The following TFRC variants were observed in gnomAD, a reference collection of about 807,000 sequenced individuals.
The protein encoded by TFRC is transferrin receptor protein 1.
A neutral mutation model predicts 85.8 loss-of-function variants in TFRC; 35 were observed. The observed-to-expected ratio is 0.41, with a 90% CI of 0.31 to 0.54. The LOEUF is 0.54. Among genes scored for constraint, TFRC ranks in the 20% least tolerant of loss-of-function variants. The pLI, the probability that TFRC is intolerant of heterozygous loss-of-function variation, is 0.31. For synonymous variants in TFRC, 362 were observed against 328.6 expected (o/e 1.10, Z -1.10); for missense variants, 828 against 921.5 (o/e 0.90, Z 1.31).
intron 7 of TFRC, among the ~76,000 whole-genome samples, chr3:196,069,237 A>C (rs1717992390): frequency 6.6e-6 from 1 of 152,178 alleles, no homozygotes; most frequent in Non-Finnish European, 1.5e-5. Flanking sequence ...TATGCGTAAA[A>C]CTGAGTTATA....
intron 13 of TFRC, 64 bp downstream of exon 13, chr3:196,062,518 A>G (rs1216562484): frequency 7.6e-6 from 11 of 1,451,482 alleles, no homozygotes; most frequent in Non-Finnish European, 1.1e-5. Flanking sequence ...GGGCGACAAG[A>G]GCAAAACTCC....
intron 9 of TFRC, 150 bp from the exon 10 acceptor site, chr3:196,065,750 G>C (rs1051176051): frequency 1.4e-6 from 1 of 726,644 alleles, no homozygotes; most frequent in Non-Finnish European, 2.1e-6. Flanking sequence ...CCAGCACTTT[G>C]GGAGGCTGAG....
At chr3:196,052,333 T>C (rs1172453699) in intron 18 of TFRC, 149 bp from the exon 19 acceptor site, 8 of 924,810 alleles carry the variant, frequency 8.7e-6, no homozygotes, top group Non-Finnish European at 1.3e-5. Context: ...AGTTTCGCTC[T>C]TGTTGCCCAG....
rs774620337 is a variant in TFRC, at chr3:196,055,248, A to C, written c.1731T>G (p.Ile577Met). Residue 577 changes from isoleucine (I) to methionine (M), a missense_variant, in exon 17 of 19, where the codon ATT becomes ATG. Physicochemically the swap from Ile to Met is conservative, Grantham distance 10. Transcript: ENST00000360110. ...GTTMDTYKEL[I>M]ERIPELNKVA... is the part of the protein sequence containing the mutation. ...CTTTGTTCAACTCAGGAATCCTCTC[A>C]ATCAGTTCCTTATAGGTGTCCATGG... The C allele has an allele frequency of 2.5e-5, 40 of 1,614,178 alleles. No homozygotes were observed. The highest frequency in any genetic ancestry group is 3.4e-5 in the Non-Finnish European group (40 of 1,180,020).
intron 4 of TFRC, among the ~76,000 whole-genome samples, chr3:196,073,036 CAAAAAA>C (rs56723183): frequency 4.2e-5 from 3 of 72,140 alleles, no homozygotes; most frequent in African/African-American, 9.9e-5. Flanking sequence ...CCCGTTTCTG[CAAAAAA>C]AAAAAAAAAA....
rs1577246157 is a variant in TFRC at position 196,071,917 on chromosome 3, C to A, written c.584+86G>T. On this transcript the variant is annotated intron_variant, in intron 5 of 18. Coordinates refer to ENST00000360110, the MANE Select transcript of TFRC (RefSeq NM_001128148.3). ...AGACTCCATTTCAAAAAAAAGCCAA[C>A]AACACTAACAAAAAGTCTTTGCTAT... The A allele has an allele frequency of 4.1e-6, 6 of 1,468,932 alleles. No individual in the cohort carries two copies. The Admixed American group carries it at 8.9e-5, about 22-fold the overall frequency. The allele number at this position is 1,468,932 out of a possible 1,614,324, so 91.0% of individuals were successfully genotyped here.
At chr3:196,076,094 C>A (rs1718671052) in intron 2 of TFRC, among the ~76,000 whole-genome samples, 1 of 151,762 alleles carries the variant, frequency 6.6e-6, no homozygotes, top group East Asian at 1.9e-4. Context: ...GCTAAGATTG[C>A]ACACTGCATT....
Position 196,065,620 on chromosome 3 carries a change from G to C in TFRC, c.1041-20C>G, listed in dbSNP as rs562750327. On this transcript the variant is annotated intron_variant, in intron 9 of 18. Coordinates refer to ENST00000360110, the MANE Select transcript of TFRC (RefSeq NM_001128148.3). ...ATATTCCTAGAATCAGAAAGCAGGC[G>C]TAAGTTCTGAGTTATTGTTCCTTGC... The C allele has an allele frequency of 5.0e-6, 8 of 1,585,868 alleles. No individual in the cohort carries two copies. In the East Asian group the frequency reaches 9.0e-5, roughly 18 times the overall value.
chr3:196,075,060 A>AAAAAAAAAAAG (rs1718556443), intron 3 of TFRC, 99 bp downstream of exon 3: 1 of 707,452 alleles, frequency 1.4e-6, no homozygotes, highest in Non-Finnish European at 2.2e-6. Flanking sequence ...AAAAAAAAAA[A>AAAAAAAAAAAG]AAAAAATAAG....
chr3:196,052,441 G>A (rs532437572), intron 18 of TFRC, among the ~76,000 whole-genome samples: 3 of 151,312 alleles, frequency 2.0e-5, no homozygotes, highest in South Asian at 2.1e-4. Flanking sequence ...CACCGTGCCC[G>A]GCTTTTTGTT....
Position 196,060,164 on chromosome 3 carries a change from T to G in TFRC, c.1536+16A>C, listed in dbSNP as rs779979800. 1 of 1,594,580 alleles carries G rather than the reference T, an allele frequency of 6.3e-7. No homozygotes were observed. Among genetic ancestry groups the G allele is most frequent in the South Asian group, 1.1e-5 (1 of 87,970 alleles). ...AAAATTAAGTCATACATTTTTGTAA[T>G]GAGGTATATACTCACATTTTGCATT... On this transcript the variant is annotated intron_variant, in intron 14 of 18. Transcript: ENST00000360110.
chr3:196,071,484 A>G lies in TFRC; in HGVS notation c.599T>C (p.Val200Ala), dbSNP rs763115838. Residue 200 changes from valine to alanine, a missense_variant, in exon 6 of 19, where the codon GTG (valine) becomes GCG (alanine). Physicochemically the swap from Val to Ala is moderately conservative, Grantham distance 64. Coordinates refer to ENST00000360110, the MANE Select transcript of TFRC (RefSeq NM_001128148.3). ...TCTACCGTTCTTATCAACTATGATC[A>G]CCGAGTTTTGAGCGCTGTTAAAAAG... ...IQVKDSAQNS[V>A]IIVDKNGRLV... The G allele has an allele frequency of 6.2e-7, 1 of 1,614,104 alleles. No individual in the cohort carries two copies. Among genetic ancestry groups the G allele is most frequent in the Non-Finnish European group, 8.5e-7 (1 of 1,179,986 alleles).
At chr3:196,074,920 G>C (rs189796761) in intron 3 of TFRC, among the ~76,000 whole-genome samples, 1 of 149,704 alleles carries the variant, frequency 6.7e-6, no homozygotes, top group Non-Finnish European at 1.5e-5. Context: ...GGTCGTGGGC[G>C]CCTATAGTCC....
chr3:196,052,744 T>A (rs538384279), intron 18 of TFRC, among the ~76,000 whole-genome samples: 55 of 152,198 alleles, frequency 3.6e-4, no homozygotes, highest in Non-Finnish European at 7.5e-4. Context: ...CCCAGCCAGC[T>A]GATCAGACTT....
chr3:196,074,211 T>C, intron 3 of TFRC, 86 bp from the exon 4 acceptor site: 1 of 1,281,840 alleles, frequency 7.8e-7, no homozygotes. Context: ...AGGTAAGCCT[T>C]GAAAATACTG....
At position 196,072,154 on chromosome 3, in the gene TFRC, T is replaced by C; in HGVS notation, c.435-2A>G. 6.2e-7 allele frequency: 1 copy of C among 1,611,844 alleles called. No homozygotes were observed. Among genetic ancestry groups the C allele is most frequent in the East Asian group, 2.2e-5 (1 of 44,864 alleles). On this transcript the variant is annotated splice_acceptor_variant, in intron 4 of 18. Coordinates refer to ENST00000360110, the MANE Select transcript of TFRC (RefSeq NM_001128148.3). LOFTEE classifies it high-confidence loss of function. ...ACATATGAATTTTCATTCAGCAGCC[T>C]GGAGGAGAAAATGCCTTTTAAATGA...
In TFRC at chr3:196,055,335, G is replaced by A. The variant is rs750864995; in HGVS notation, c.1678-34C>T. On this transcript the variant is annotated intron_variant, in intron 16 of 18. Transcript: ENST00000360110. ...CAACGCGAGGCTATGGTACTCACGTGAGTTCTAAGAGCAAGAGCCTCACAT... is the reference window on the plus strand; with the variant it reads ...CAACGCGAGGCTATGGTACTCACGTAAGTTCTAAGAGCAAGAGCCTCACAT... The A allele has an allele frequency of 5.4e-5, 84 of 1,552,094 alleles. No homozygotes were observed. In the Middle Eastern group the frequency reaches 1.0e-3, roughly 19 times the overall value.
Position 196,051,771 on chromosome 3 carries a change from G to C in TFRC, c.*171C>G. 1.5e-6 allele frequency: 1 copy of C among 681,062 alleles called. No individual in the cohort carries two copies. Among genetic ancestry groups the C allele is most frequent in the Non-Finnish European group, 2.4e-6 (1 of 413,864 alleles). The allele number at this position is 681,062 out of a possible 1,614,324, so 42.2% of individuals were successfully genotyped here. A position where few individuals can be genotyped will look rare whatever the true frequency, so the allele number is the denominator to read the frequency against. The stretch of plus-strand genomic sequence containing the variant: ...TTATTCACTTTAACTTGAAGTACAG[G>C]TTATCTACCCTGTATTAAAAGCTGC... On this transcript the variant is annotated 3_prime_UTR_variant, in exon 19 of 19. Transcript: ENST00000360110.
rs1716209371 is a variant in TFRC at position 196,050,337 on chromosome 3, C to T, written c.*1605G>A. The T allele has an allele frequency of 9.1e-6, 2 of 218,872 alleles. No homozygotes were observed. The highest frequency in any genetic ancestry group is 5.8e-5 in the Admixed American group (1 of 17,282). 13.6% of individuals were successfully genotyped at this position (218,872 alleles called of 1,614,324 possible). ...TCATTTTACAGTGGTTGAATTTACC[C>T]ACCCAATGCTTAATGACCACAAAAT... On this transcript the variant is annotated 3_prime_UTR_variant, in exon 19 of 19. Transcript: ENST00000360110.
Sources: gnomAD v4.1 joint callset for allele counts (sites outside exome capture counted in the v4.1 genomes callset) on GRCh38, gnomAD v4.1.1 for gene constraint, MANE v1.5 for transcripts, NCBI Gene and HGNC (gene_info 2026-07-23, HGNC 2026-07-21) for gene names.